FREM3: variants seen among roughly 807,000 people sequenced by gnomAD.
FREM3 encodes the protein FRAS1-related extracellular matrix protein 3.
A neutral mutation model predicts 129.1 loss-of-function variants in FREM3; 105 were observed. The ratio of observed to expected loss-of-function variants is 0.81; its 90% CI spans 0.69 to 0.96. FREM3 has a LOEUF of 0.96. Ranked by LOEUF, FREM3 falls within the 40% of genes least tolerant of loss-of-function variation. FREM3 has a pLI of 0.00. For synonymous variants in FREM3, 1,014 were observed against 1,044.9 expected, an observed-to-expected ratio of 0.97 and a Z score of 0.57; for missense variants, 2,593 against 2,666.3, an observed-to-expected ratio of 0.97 and a Z score of 0.61.
chr4:143,582,812 A>G (rs113020661), intron 7 of FREM3, among the ~76,000 whole-genome samples: 3,075 of 152,258 alleles, frequency 0.02, 32 homozygotes, highest in Non-Finnish European at 0.033. Context: ...TGAAGAAAGA[A>G]CCAACAGATC....
chr4:143,607,910 G>A (rs545763402), intron 6 of FREM3, among the ~76,000 whole-genome samples: 3 of 152,258 alleles, frequency 2.0e-5, no homozygotes, highest in South Asian at 2.1e-4. Flanking sequence ...GCTTCAGGAG[G>A]AAATCCATCT....
At chr4:143,659,434 G>C (rs1181133615) in intron 2 of FREM3, among the ~76,000 whole-genome samples, 1 of 152,114 alleles carries the variant, frequency 6.6e-6, no homozygotes, top group Non-Finnish European at 1.5e-5. Context: ...TGGCTGCATA[G>C]TATTCCATGG....
chr4:143,623,594 T>C (rs1006394071), intron 4 of FREM3, among the ~76,000 whole-genome samples: 1 of 150,042 alleles, frequency 6.7e-6, no homozygotes, highest in Non-Finnish European at 1.5e-5. Context: ...TTTAAATTTA[T>C]CTGGGGAGAT....
At chr4:143,580,338 TG>T (rs2149832386) in intron 7 of FREM3, among the ~76,000 whole-genome samples, 1 of 152,034 alleles carries the variant, frequency 6.6e-6, no homozygotes, top group Non-Finnish European at 1.5e-5. Context: ...ATCCCCACCG[TG>T]GGTAAATGGT....
At chr4:143,668,290 G>GA (rs1238297979) in intron 2 of FREM3, among the ~76,000 whole-genome samples, 1 of 152,076 alleles carries the variant, frequency 6.6e-6, no homozygotes, top group Non-Finnish European at 1.5e-5. Flanking sequence ...GTAGAAAGAA[G>GA]AAAAAAGTAA....
At chr4:143,595,309 C>G (rs1738447236) in intron 6 of FREM3, among the ~76,000 whole-genome samples, 1 of 152,170 alleles carries the variant, frequency 6.6e-6, no homozygotes, top group South Asian at 2.1e-4. Flanking sequence ...CTTATTTAAA[C>G]AGGTTTTGAA....
At chr4:143,677,513 C>G (rs1411901319) in intron 2 of FREM3, among the ~76,000 whole-genome samples, 1 of 152,214 alleles carries the variant, frequency 6.6e-6, no homozygotes, top group African/African-American at 2.4e-5. Flanking sequence ...ACACCAAAAG[C>G]AATGGCAACA....
At chr4:143,693,717 C>T (rs966532802) in intron 1 of FREM3, among the ~76,000 whole-genome samples, 1 of 152,164 alleles carries the variant, frequency 6.6e-6, no homozygotes, top group African/African-American at 2.4e-5. Context: ...TCAATGACAT[C>T]TTGGATAAAG....
At chr4:143,617,399 C>T (rs1738871839) in intron 5 of FREM3, among the ~76,000 whole-genome samples, 1 of 152,046 alleles carries the variant, frequency 6.6e-6, no homozygotes, top group African/African-American at 2.4e-5. Flanking sequence ...AACAGTTATT[C>T]AAAACATTAA....
At chr4:143,633,374 C>G (rs1303592665) in intron 2 of FREM3, among the ~76,000 whole-genome samples, 1 of 152,124 alleles carries the variant, frequency 6.6e-6, no homozygotes, top group East Asian at 1.9e-4. Context: ...TAACTATATT[C>G]TAGGTTTCTG....
chr4:143,698,728 T>C lies in FREM3; in HGVS notation c.1948A>G (p.Ile650Val), dbSNP rs1420895344. Residue 650 changes from isoleucine (I) to valine (V), a missense_variant, in exon 1 of 8, where the codon ATA becomes GTA. By Grantham distance (29) the Ile-to-Val change is conservative. Transcript: ENST00000329798. ...CGGTAGAAGAGTCTCCCTTCCATTA[T>C]GTCTCTCTGTAGCCACTCAGTCACC... ...KVVTEWLQRD[I>V]MEGRLFYRHL... is the part of the protein sequence containing the mutation. The C allele has an allele frequency of 2.0e-6, 3 of 1,537,228 alleles. No individual in the cohort carries two copies. In the Admixed American group the frequency reaches 5.9e-5, roughly 30 times the overall value.
At chr4:143,674,709 A>T (rs1740073859) in intron 2 of FREM3, among the ~76,000 whole-genome samples, 1 of 152,200 alleles carries the variant, frequency 6.6e-6, no homozygotes, top group African/African-American at 2.4e-5. Context: ...CTACCAAGCA[A>T]ATGGAAAACA....
intron 7 of FREM3, among the ~76,000 whole-genome samples, chr4:143,579,983 T>A (rs749505324): frequency 1.7e-4 from 26 of 152,330 alleles, no homozygotes; most frequent in Non-Finnish European, 2.9e-4. Flanking sequence ...TAAAGGAATC[T>A]AAATTTCTCT....
chr4:143,663,633 C>T (rs1032876124), intron 2 of FREM3, among the ~76,000 whole-genome samples: 28 of 152,154 alleles, frequency 1.8e-4, no homozygotes, highest in Middle Eastern at 3.4e-3. Context: ...TGCTGGCCTG[C>T]CTTTCTAGAT....
chr4:143,594,104 C>A (rs564129825), intron 6 of FREM3, among the ~76,000 whole-genome samples: 1 of 152,152 alleles, frequency 6.6e-6, no homozygotes, highest in Admixed American at 6.5e-5. Context: ...GGGAGTGACA[C>A]GAGTTTCCAG....
chr4:143,581,816 T>C (rs1200691973), intron 7 of FREM3, among the ~76,000 whole-genome samples: 1 of 150,384 alleles, frequency 6.6e-6, no homozygotes, highest in Non-Finnish European at 1.5e-5. Context: ...TCTGCATTTC[T>C]CTGGGGTGGA....
intron 6 of FREM3, among the ~76,000 whole-genome samples, chr4:143,604,660 C>G (rs1404075366): frequency 6.6e-6 from 1 of 152,142 alleles, no homozygotes; most frequent in East Asian, 1.9e-4. Flanking sequence ...TGAAAGGTAA[C>G]TAGAAGCCAA....
chr4:143,689,900 C>CA (rs1211389662), intron 2 of FREM3, among the ~76,000 whole-genome samples: 1 of 112,246 alleles, frequency 8.9e-6, no homozygotes, highest in African/African-American at 3.5e-5. Flanking sequence ...GGGAGGGGGG[C>CA]AAAAAATAGT....
At chr4:143,622,736 G>A (rs1738973817) in intron 4 of FREM3, among the ~76,000 whole-genome samples, 1 of 152,148 alleles carries the variant, frequency 6.6e-6, no homozygotes, top group Non-Finnish European at 1.5e-5. Context: ...ATAGGACTAA[G>A]TTATTCAGTC....
Sources: allele counts gnomAD v4.1 joint callset (sites outside exome capture counted in the v4.1 genomes callset), GRCh38; gene constraint gnomAD v4.1.1; transcripts MANE v1.5; gene names NCBI Gene and HGNC (gene_info 2026-07-23, HGNC 2026-07-21).